HSPG2: variants seen among roughly 807,000 people sequenced by gnomAD.
HSPG2 encodes basement membrane-specific heparan sulfate proteoglycan core protein.
In HSPG2, 278 loss-of-function variants were observed where a neutral mutation model predicts 526.6. The observed-to-expected ratio is 0.53, with a 90% confidence interval of 0.48 to 0.58. The LOEUF (loss-of-function observed/expected upper bound fraction) is 0.58, where lower values mean the gene tolerates loss of function less well. HSPG2 is among the 20% of genes least tolerant of loss of function. The pLI, the probability that HSPG2 is intolerant of heterozygous loss-of-function variation, is 0.00. For missense variants in HSPG2, 5,354 were observed against 6,099.5 expected, an observed-to-expected ratio of 0.88 and a Z score of 4.07; for synonymous variants, 2,465 against 2,555.4, an observed-to-expected ratio of 0.96 and a Z score of 1.07.
In HSPG2 at chr1:21,859,610, T is replaced by C. The variant is rs757667699; in HGVS notation, c.5249A>G (p.Asn1750Ser). 1 of 1,609,472 alleles carries C rather than the reference T, an allele frequency of 6.2e-7. No homozygotes were observed. ...CCGGCTGGTATTGGATTGGTGGAGA[T>C]TACGGCAGGTGCAAATGTAGACCCC... Reference protein sequence around the residue: ...DAGVYICTCRNLHQSNTSRAE... With the variant: ...DAGVYICTCRSLHQSNTSRAE... Residue 1750 changes from asparagine (N) to serine (S), a missense_variant, in exon 42 of 97, where the codon AAT (asparagine) becomes AGT (serine). Physicochemically the swap from Asn to Ser is conservative, Grantham distance 46. Transcript: ENST00000374695. The surrounding 1 kb of genome is among the most constrained non-coding windows in gnomAD (Gnocchi z 5.3).
chr1:21,922,852 C>G (rs967712723), intron 1 of HSPG2, among the ~76,000 whole-genome samples: 1 of 152,158 alleles, frequency 6.6e-6, no homozygotes, highest in East Asian at 1.9e-4. Context: ...CCAGTACCCC[C>G]TCCTCGACCC....
chr1:21,905,237 ACACACACACCCACC>A (rs752149970), intron 1 of HSPG2, among the ~76,000 whole-genome samples: 72 of 143,812 alleles, frequency 5.0e-4, no homozygotes, highest in Non-Finnish European at 8.1e-4. Flanking sequence ...TAATCTGTCT[ACACACACACCCACC>A]CACACACACC....
chr1:21,843,199 C>T, intron 66 of HSPG2, 98 bp downstream of exon 66: 1 of 1,554,604 alleles, frequency 6.4e-7, no homozygotes, highest in Non-Finnish European at 8.9e-7. Context: ...CGCCTGCAGG[C>T]AACAATAAGT....
chr1:21,828,593 A>C lies in HSPG2; in HGVS notation c.12238-167T>G, dbSNP rs1386324771. Among the ~76,000 whole-genome samples the C allele has an allele frequency of 1.3e-5, 2 of 152,068 alleles. No homozygotes were observed. Among genetic ancestry groups the C allele is most frequent in the East Asian group, 1.9e-4 (1 of 5,178 alleles). On this transcript the variant is annotated intron_variant, in intron 88 of 96. Coordinates refer to ENST00000374695, the MANE Select transcript of HSPG2 (RefSeq NM_005529.7). The surrounding 1 kb of genome is among the most constrained non-coding windows in gnomAD (Gnocchi z 6.0). Reference sequence around the variant, plus strand: ...AGGGAGGCGCAGGAGTTGAGTGCCTACTGTGTGCTAGAAACATTCATCCGT... The same window carrying C: ...AGGGAGGCGCAGGAGTTGAGTGCCTCCTGTGTGCTAGAAACATTCATCCGT...
intron 64 of HSPG2, among the ~76,000 whole-genome samples, chr1:21,845,092 A>G (rs147596717): frequency 0.054 from 8,186 of 152,140 alleles, 717 homozygotes; most frequent in African/African-American, 0.18. Context: ...CTAAAAATAC[A>G]AAAATTAGCT....
intron 1 of HSPG2, among the ~76,000 whole-genome samples, chr1:21,913,424 G>A (rs1434591178): frequency 1.3e-5 from 2 of 152,186 alleles, no homozygotes; most frequent in Non-Finnish European, 1.5e-5. Flanking sequence ...TCGGGTTACC[G>A]GAAATGGTAA....
At chr1:21,913,163 G>C (rs530809150) in intron 1 of HSPG2, among the ~76,000 whole-genome samples, 2 of 152,222 alleles carry the variant, frequency 1.3e-5, no homozygotes, top group East Asian at 3.9e-4. Context: ...TCTCCTTGGG[G>C]CAAGGATTCT....
In HSPG2 at chr1:21,822,555, C is replaced by T; in HGVS notation, c.*761G>A. 5 of 238,308 alleles carry T rather than the reference C, an allele frequency of 2.1e-5. No homozygotes were observed. Among genetic ancestry groups the T allele is most frequent in the Admixed American group, 4.8e-5 (1 of 20,776 alleles). The allele number at this position is 238,308 out of a possible 1,614,324, so 14.8% of individuals were successfully genotyped here. A position where few individuals can be genotyped will look rare whatever the true frequency, so the allele number is the denominator to read the frequency against. ...ACTTCCAGATGGGTGGGGATGTGGCCTGGGGTGGGCGGGGCCCGGTGGGCG... is the reference window on the plus strand; with the variant it reads ...ACTTCCAGATGGGTGGGGATGTGGCTTGGGGTGGGCGGGGCCCGGTGGGCG... On this transcript the variant is annotated 3_prime_UTR_variant, in exon 97 of 97. Transcript: ENST00000374695.
In HSPG2 at chr1:21,846,165, C is replaced by G; in HGVS notation, c.8407G>C (p.Glu2803Gln). 2 of 1,613,136 alleles carry G rather than the reference C, an allele frequency of 1.2e-6. No individual in the cohort carries two copies. Among genetic ancestry groups the G allele is most frequent in the Non-Finnish European group, 1.7e-6 (2 of 1,180,030 alleles). Residue 2803 changes from glutamate (E) to glutamine (Q), a missense_variant, in exon 64 of 97, where the codon GAG becomes CAG. Physicochemically the swap from Glu to Gln is conservative, Grantham distance 29. Coordinates refer to ENST00000374695, the MANE Select transcript of HSPG2 (RefSeq NM_005529.7). ...CRVMGSSGPL[E>Q]ASVLVTIEAS... ...TCGATGGTGACCAGGACTGAGGCCT[C>G]CAGGGGGCCAGAGCTGCCCATCACC...
Position 21,833,027 on chromosome 1 carries a change from C to A in HSPG2, c.11095+241G>T, listed in dbSNP as rs552543686. ...GACAGGAGGACTGGGGGTGATGCCCCGGTGGCAGAGGAGCCACGAGGAGGC... is the reference window on the plus strand; with the variant it reads ...GACAGGAGGACTGGGGGTGATGCCCAGGTGGCAGAGGAGCCACGAGGAGGC... On this transcript the variant is annotated intron_variant, in intron 80 of 96. Transcript: ENST00000374695. 56 of 591,838 alleles carry A rather than the reference C, an allele frequency of 9.5e-5. No homozygotes were observed. In the African/African-American group the frequency reaches 9.8e-4, roughly 10 times the overall value. The allele number at this position is 591,838 out of a possible 1,614,324, so 36.7% of individuals were successfully genotyped here. A position where few individuals can be genotyped will look rare whatever the true frequency, so the allele number is the denominator to read the frequency against.
At position 21,864,002 on chromosome 1, in the gene HSPG2, T is replaced by A; in HGVS notation, c.4740+98A>T. On this transcript the variant is annotated intron_variant, in intron 37 of 96. Coordinates refer to ENST00000374695, the MANE Select transcript of HSPG2 (RefSeq NM_005529.7). The surrounding 1 kb of genome is among the most constrained non-coding windows in gnomAD (Gnocchi z 4.8). ...TTGAACCACAGGCCATGCCCCATGA[T>A]CCTGATCCCCTGGATTGATGCCTGC... 1 of 961,812 alleles carries A rather than the reference T, an allele frequency of 1.0e-6. No individual in the cohort carries two copies. Among genetic ancestry groups the A allele is most frequent in the Non-Finnish European group, 1.6e-6 (1 of 612,726 alleles). The allele number at this position is 961,812 out of a possible 1,614,324, so 59.6% of individuals were successfully genotyped here. A position where few individuals can be genotyped will look rare whatever the true frequency, so the allele number is the denominator to read the frequency against.
At chr1:21,886,568 G>A (rs1641911202) in intron 9 of HSPG2, among the ~76,000 whole-genome samples, 1 of 152,144 alleles carries the variant, frequency 6.6e-6, no homozygotes, top group Admixed American at 6.5e-5. Context: ...ACCACCTGAT[G>A]TGGTCGCTGC....
At position 21,842,016 on chromosome 1, in the gene HSPG2, T is replaced by C. The variant is rs2098050666; in HGVS notation, c.9179A>G (p.Asn3060Ser). The C allele has an allele frequency of 6.2e-7, 1 of 1,613,254 alleles. No homozygotes were observed. Among genetic ancestry groups the C allele is most frequent in the Admixed American group, 1.7e-5 (1 of 59,990 alleles). The change falls in exon 69 of 97, where the codon AAC (asparagine) becomes AGC (serine). Residue 3060 changes from asparagine (N) to serine (S), a missense_variant. Coordinates refer to ENST00000374695, the MANE Select transcript of HSPG2 (RefSeq NM_005529.7). ...APISLEWKTR[N>S]QELEDNVHIS... ...GCCTGGCTCACCCTCCAGCTCCTGG[T>C]TCCGGGTCTTCCACTCGAGGCTGAT...
chr1:21,900,049 C>T (rs943231883), intron 1 of HSPG2, among the ~76,000 whole-genome samples: 1 of 152,228 alleles, frequency 6.6e-6, no homozygotes, highest in Non-Finnish European at 1.5e-5. Context: ...GCTCCAAGGT[C>T]AGAAATAGAA....
At chr1:21,854,128 C>G in intron 50 of HSPG2, 65 bp downstream of exon 50, 1 of 1,495,086 alleles carries the variant, frequency 6.7e-7, no homozygotes, top group Non-Finnish European at 9.0e-7. Flanking sequence ...ACTGAAGAAG[C>G]CACAGGCATC....
intron 6 of HSPG2, 126 bp downstream of exon 6, chr1:21,889,854 AC>A (rs1374857668): frequency 1.1e-6 from 1 of 938,404 alleles, no homozygotes; most frequent in African/African-American, 1.6e-5. Flanking sequence ...GATGGGGCAG[AC>A]TCAGGAGTAG....
rs570133361 is a variant in HSPG2 at position 21,851,746 on chromosome 1, C to T, written c.7006+45G>A. On this transcript the variant is annotated intron_variant, in intron 54 of 96. Coordinates refer to ENST00000374695, the MANE Select transcript of HSPG2 (RefSeq NM_005529.7). ...TCACTCCTGTTCTCTGAAGCCACTC[C>T]AGCCTGTTCTCTGCATCCCAGCCCA... The T allele has an allele frequency of 6.0e-4, 968 of 1,614,036 alleles. 12 individuals are homozygous for T. The South Asian group carries it at 0.01, about 17-fold the overall frequency.
chr1:21,843,833 G>T (rs1014270726), intron 65 of HSPG2, among the ~76,000 whole-genome samples: 1 of 151,998 alleles, frequency 6.6e-6, no homozygotes, highest in Non-Finnish European at 1.5e-5. Flanking sequence ...TTTTCGTTTC[G>T]CCATGTTGGC....
intron 1 of HSPG2, among the ~76,000 whole-genome samples, chr1:21,913,334 C>A (rs1643767667): frequency 6.6e-6 from 1 of 152,132 alleles, no homozygotes; most frequent in Non-Finnish European, 1.5e-5. Flanking sequence ...TCAGACAGGC[C>A]CAGCCTAGGA....
Sources: gnomAD v4.1 joint callset for allele counts (sites outside exome capture counted in the v4.1 genomes callset) on GRCh38, gnomAD v4.1.1 for gene constraint, Gnocchi (gnomAD v3.1) non-coding constraint, MANE v1.5 for transcripts, NCBI Gene and HGNC (gene_info 2026-07-23, HGNC 2026-07-21) for gene names.